The following RBM20 variants were observed in gnomAD, a reference collection of about 807,000 sequenced individuals.
RBM20 encodes the protein RNA binding motif protein 20.
Under a neutral mutation model 110.1 loss-of-function variants are expected in RBM20, and 51 were observed. The observed-to-expected ratio is 0.46, with a 90% CI of 0.37 to 0.59. RBM20 has a LOEUF of 0.59. Ranked by LOEUF, RBM20 falls within the 20% of genes least tolerant of loss-of-function variation. The pLI is 0.00. For missense variants in RBM20, 1,512 were observed against 1,574.9 expected (o/e 0.96, Z 0.68); for synonymous variants, 589 against 618.2 (o/e 0.95, Z 0.70).
intron 1 of RBM20, among the ~76,000 whole-genome samples, chr10:110,672,033 G>A (rs1002702952): frequency 1.3e-5 from 2 of 149,458 alleles, no homozygotes; most frequent in Non-Finnish European, 3.0e-5. Context: ...ACAAACTTAG[G>A]GGGTATTTTA....
At chr10:110,783,151 G>A (rs1327846020) in intron 2 of RBM20, among the ~76,000 whole-genome samples, 2 of 152,146 alleles carry the variant, frequency 1.3e-5, no homozygotes, top group Admixed American at 1.3e-4. Flanking sequence ...TGAGATGTAT[G>A]GATGAGGAGC....
At chr10:110,758,666 A>G (rs1048066843) in intron 1 of RBM20, among the ~76,000 whole-genome samples, 2 of 152,222 alleles carry the variant, frequency 1.3e-5, no homozygotes, top group Admixed American at 6.5e-5. Context: ...GCTGTCTAGC[A>G]TGATAATCGC....
At chr10:110,774,632 C>T (rs1430605834) in intron 1 of RBM20, among the ~76,000 whole-genome samples, 1 of 151,978 alleles carries the variant, frequency 6.6e-6, no homozygotes, top group Non-Finnish European at 1.5e-5. Flanking sequence ...CAGAGGACGC[C>T]AACTTCATTG....
chr10:110,825,046 T>C (rs1189621528), intron 12 of RBM20, among the ~76,000 whole-genome samples: 1 of 37,424 alleles, frequency 2.7e-5, no homozygotes, highest in Non-Finnish European at 6.3e-5. Flanking sequence ...GCAAACTTCC[T>C]TTTTTTTTTA....
intron 1 of RBM20, among the ~76,000 whole-genome samples, chr10:110,737,276 A>T (rs1843682840): frequency 6.6e-6 from 1 of 151,496 alleles, no homozygotes; most frequent in Non-Finnish European, 1.5e-5. Flanking sequence ...AGAAGGCACC[A>T]TCTATGAGGA....
chr10:110,677,741 C>T (rs929064551), intron 1 of RBM20, among the ~76,000 whole-genome samples: 3 of 152,172 alleles, frequency 2.0e-5, no homozygotes, highest in African/African-American at 4.8e-5. Flanking sequence ...TCTGATAAAA[C>T]GGAAGATCTT....
chr10:110,812,355 C>A lies in RBM20; in HGVS notation c.1958C>A (p.Thr653Asn). ...LSPRSHTPSFTSCSSSHSPPG... is the reference protein window; with the variant it reads ...LSPRSHTPSFNSCSSSHSPPG... ...CCGAGGTCCCACACTCCCAGCTTCACCTCCTGCAGCTCTTCCCACAGCCCT... is the reference window on the plus strand; with the variant it reads ...CCGAGGTCCCACACTCCCAGCTTCAACTCCTGCAGCTCTTCCCACAGCCCT... The change falls in exon 9 of 14, where the codon ACC (threonine) becomes AAC (asparagine). Residue 653 changes from threonine (T) to asparagine (N), a missense_variant. Coordinates refer to ENST00000369519, the MANE Select transcript of RBM20 (RefSeq NM_001134363.3). The A allele has an allele frequency of 6.4e-7, 1 of 1,551,648 alleles. No homozygotes were observed. Among genetic ancestry groups the A allele is most frequent in the Non-Finnish European group, 8.7e-7 (1 of 1,147,004 alleles).
intron 1 of RBM20, among the ~76,000 whole-genome samples, chr10:110,713,994 A>T (rs1029297251): frequency 5.9e-5 from 9 of 152,222 alleles, no homozygotes; most frequent in African/African-American, 2.2e-4. Context: ...ATCATCACCC[A>T]GGAATGTTAT....
At chr10:110,799,575 A>G (rs1438616473) in intron 6 of RBM20, among the ~76,000 whole-genome samples, 1 of 152,334 alleles carries the variant, frequency 6.6e-6, no homozygotes, top group Admixed American at 6.5e-5. Context: ...AGGTAAAGAT[A>G]TAGAGCATTT....
At chr10:110,741,562 C>T (rs532348077) in intron 1 of RBM20, among the ~76,000 whole-genome samples, 2 of 152,320 alleles carry the variant, frequency 1.3e-5, no homozygotes, top group Non-Finnish European at 2.9e-5. Context: ...TGTCCACTCA[C>T]CAAGTTCTGC....
intron 5 of RBM20, among the ~76,000 whole-genome samples, chr10:110,793,230 A>G (rs1019119148): frequency 2.6e-5 from 4 of 152,180 alleles, no homozygotes; most frequent in African/African-American, 4.8e-5. Context: ...GTCTTCTAGG[A>G]GGATGCTCTT....
chr10:110,782,254 C>T (rs530869541), intron 2 of RBM20, among the ~76,000 whole-genome samples: 4 of 152,218 alleles, frequency 2.6e-5, no homozygotes, highest in African/African-American at 9.6e-5. Context: ...CCCTTGAGTA[C>T]CCATATTGTA....
At chr10:110,754,572 C>G (rs1465717143) in intron 1 of RBM20, among the ~76,000 whole-genome samples, 1 of 152,200 alleles carries the variant, frequency 6.6e-6, no homozygotes, top group Non-Finnish European at 1.5e-5. Flanking sequence ...TTCCTGTGAT[C>G]TAACCTCTGG....
At position 110,821,624 on chromosome 10, in the gene RBM20, T is replaced by C. The variant is rs1844911909; in HGVS notation, c.3005T>C (p.Leu1002Pro). ...PSDMDVEMPG[L>P]NLDAERKPAE... The stretch of plus-strand genomic sequence containing the variant: ...GACATGGACGTGGAAATGCCTGGCC[T>C]AAATCTGGATGCTGAGCGGAAGCCA... Residue 1002 changes from leucine to proline, a missense_variant, in exon 11 of 14, where the codon CTA becomes CCA. Leu to Pro is a moderately conservative substitution (Grantham distance 98). This residue lies in a region of RBM20 where 358 missense variants were observed against 384.2 expected (regional missense o/e 0.93). Coordinates refer to ENST00000369519, the MANE Select transcript of RBM20 (RefSeq NM_001134363.3). 6.4e-7 allele frequency: 1 copy of C among 1,551,550 alleles called. No homozygotes were observed. The highest frequency in any genetic ancestry group is 1.4e-5 in the African/African-American group (1 of 73,054).
chr10:110,735,998 C>T (rs1237853387), intron 1 of RBM20, among the ~76,000 whole-genome samples: 6 of 152,300 alleles, frequency 3.9e-5, no homozygotes, highest in Admixed American at 2.0e-4. Context: ...ATTAACTAGG[C>T]GGTGGGCAGA....
intron 7 of RBM20, among the ~76,000 whole-genome samples, chr10:110,800,202 A>C (rs1844604648): frequency 6.6e-6 from 1 of 152,254 alleles, no homozygotes; most frequent in South Asian, 2.1e-4. Context: ...GGAAGTCAGA[A>C]GGGAAAGGTG....
rs576934794 is a variant in RBM20, at chr10:110,808,775, AC to A, written c.1801-1605del. Among the ~76,000 whole-genome samples, 233 of 152,040 alleles carry A rather than the reference AC, an allele frequency of 1.5e-3. 3 individuals are homozygous for A. The highest frequency in any genetic ancestry group is 5.4e-3 in the African/African-American group (224 of 41,456). ...TTTACTCTGTGTTTTTCCCAGCCCAACCCTCTATCTCAACAATAACAGATAA... is the reference window on the plus strand; with the variant it reads ...TTTACTCTGTGTTTTTCCCAGCCCAACCTCTATCTCAACAATAACAGATAA... On this transcript the variant is annotated intron_variant, in intron 7 of 13. Transcript: ENST00000369519.
upstream of RBM20, among the ~76,000 whole-genome samples, chr10:110,643,911 G>A (rs1345473735): frequency 6.6e-6 from 1 of 152,170 alleles, no homozygotes; most frequent in Non-Finnish European, 1.5e-5. Flanking sequence ...CGGACGTCCC[G>A]GGCGCGCTCG....
intron 1 of RBM20, among the ~76,000 whole-genome samples, chr10:110,753,811 G>A (rs1035976677): frequency 2.0e-5 from 3 of 152,164 alleles, no homozygotes; most frequent in Non-Finnish European, 2.9e-5. Context: ...CCAGCATTGC[G>A]ATGCTGCATT....
Sources: gnomAD v4.1 joint callset for allele counts (sites outside exome capture counted in the v4.1 genomes callset) on GRCh38, gnomAD v4.1.1 for gene constraint, gnomAD v4.1.1 regional missense constraint, MANE v1.5 for transcripts, NCBI Gene and HGNC (gene_info 2026-07-23, HGNC 2026-07-21) for gene names.